ARHGAP27: variants seen among roughly 807,000 people sequenced by gnomAD.
The protein encoded by ARHGAP27 is Rho GTPase activating protein 27, also known as rho GTPase-activating protein 27.
Under a neutral mutation model 102.0 loss-of-function variants are expected in ARHGAP27, and 53 were observed. The observed-to-expected ratio is 0.52, with a 90% confidence interval of 0.42 to 0.65. The LOEUF is 0.65. Ranked by LOEUF, ARHGAP27 falls within the 30% of genes least tolerant of loss-of-function variation. The pLI is 0.00. For synonymous variants in ARHGAP27, 525 were observed against 542.8 expected, an observed-to-expected ratio of 0.97 and a Z score of 0.46; for missense variants, 1,117 against 1,256.2, an observed-to-expected ratio of 0.89 and a Z score of 1.68.
At chr17:45,410,698 G>A (rs1965686027) in intron 4 of ARHGAP27, among the ~76,000 whole-genome samples, 1 of 152,068 alleles carries the variant, frequency 6.6e-6, no homozygotes, top group African/African-American at 2.4e-5. Flanking sequence ...AGACAGGGTG[G>A]GCAGAGGGGG....
At position 45,396,294 on chromosome 17, in the gene ARHGAP27, A is replaced by G. The variant is rs748692786; in HGVS notation, c.2174-10T>C. ...CCGTCGATGTCCAGCCCTGGGCCAGAGGGAGGCGCTGATCCCGGGTTCAGG... is the reference window on the plus strand; with the variant it reads ...CCGTCGATGTCCAGCCCTGGGCCAGGGGGAGGCGCTGATCCCGGGTTCAGG... On this transcript the variant is annotated splice_polypyrimidine_tract_variant and intron_variant, in intron 16 of 19. Coordinates refer to ENST00000685559, the MANE Select transcript of ARHGAP27 (RefSeq NM_001282290.2). 4 of 1,606,186 alleles carry G rather than the reference A, an allele frequency of 2.5e-6. No homozygotes were observed. Among genetic ancestry groups the G allele is most frequent in the Non-Finnish European group, 3.4e-6 (4 of 1,177,016 alleles).
In ARHGAP27 at chr17:45,396,989, G is replaced by A; in HGVS notation, c.1878C>T (p.Ser626=). 1 of 1,604,766 alleles carries A rather than the reference G, an allele frequency of 6.2e-7. No individual in the cohort carries two copies. The highest frequency in any genetic ancestry group is 8.5e-7 in the Non-Finnish European group (1 of 1,179,958). The change falls in exon 14 of 20, where the codon AGC becomes AGT. Residue 626 remains serine (S), a synonymous_variant. Coordinates refer to ENST00000685559, the MANE Select transcript of ARHGAP27 (RefSeq NM_001282290.2). The stretch of plus-strand genomic sequence containing the variant: ...GCTCGCTCGACCCGAAGTCCACTCT[G>A]CTGCTCTCGCTCTCCTCTGGGGGCA... ...AELPPEESES[S]RVDFGSSERL...
Position 45,425,235 on chromosome 17 carries a change from GT to G in ARHGAP27, c.657+4387del, listed in dbSNP as rs1387892236. ...TGGCTGCCCCACCTGGGGGTTGGGG[GT>G]GGGGGGTGCCGGAGGAGGGAGTACG... On this transcript the variant is annotated intron_variant, in intron 4 of 19. Transcript: ENST00000685559. 8.6e-3 allele frequency among the ~76,000 whole-genome samples: 1,312 copies of G among 151,778 alleles called. 19 individuals carry two copies. Among genetic ancestry groups the G allele is most frequent in the African/African-American group, 0.03 (1,219 of 41,232 alleles).
chr17:45,410,381 G>A, intron 4 of ARHGAP27: 1 of 1,362,824 alleles, frequency 7.3e-7, no homozygotes, highest in Non-Finnish European at 9.4e-7. Flanking sequence ...AGGGCAACAG[G>A]GAAACAAGAA....
intron 4 of ARHGAP27, among the ~76,000 whole-genome samples, chr17:45,425,257 G>T (rs2049470855): frequency 6.6e-6 from 1 of 152,010 alleles, no homozygotes; most frequent in East Asian, 1.9e-4. Flanking sequence ...GGAGGAGGGA[G>T]TACGAGCAAG....
At position 45,419,492 on chromosome 17, in the gene ARHGAP27, A is replaced by G. The variant is rs556619769; in HGVS notation, c.657+10131T>C. Among the ~76,000 whole-genome samples the G allele has an allele frequency of 4.6e-4, 67 of 146,446 alleles. 2 individuals carry two copies. The highest frequency in any genetic ancestry group is 1.6e-3 in the African/African-American group (64 of 39,776). On this transcript the variant is annotated intron_variant, in intron 4 of 19. Transcript: ENST00000685559. ...TATACTATGCTGTGTGTGTATATAT[A>G]TAAAAGACTTATGCTGTATGTATAT...
intron 12 of ARHGAP27, among the ~76,000 whole-genome samples, chr17:45,400,879 C>T (rs575095264): frequency 3.2e-4 from 48 of 152,224 alleles, no homozygotes; most frequent in African/African-American, 9.9e-4. Flanking sequence ...TGCACCACTG[C>T]ACTTCAGCCT....
At chr17:45,417,806 C>T (rs1259581671) in intron 4 of ARHGAP27, among the ~76,000 whole-genome samples, 1 of 150,910 alleles carries the variant, frequency 6.6e-6, no homozygotes, top group Non-Finnish European at 1.5e-5. Flanking sequence ...GTAATCCCAG[C>T]ACTTTGGGAG....
intron 6 of ARHGAP27, 34 bp from the exon 7 acceptor site, chr17:45,404,715 C>A (rs1173429310): frequency 6.3e-7 from 1 of 1,593,626 alleles, no homozygotes; most frequent in Admixed American, 1.8e-5. Flanking sequence ...GCCTCCAGCC[C>A]AGCTTATGAG....
Position 45,396,220 on chromosome 17 carries a change from A to C in ARHGAP27, c.2238T>G (p.Tyr746Ter), listed in dbSNP as rs772565283. 12 of 1,612,968 alleles carry C rather than the reference A, an allele frequency of 7.4e-6. No individual in the cohort carries two copies. The highest frequency in any genetic ancestry group is 8.5e-6 in the Non-Finnish European group (10 of 1,179,438). Reference sequence around the variant, plus strand: ...GACGGGCCTCACCGTGGTCCACCTTATAGCGTAGCTTCTGGATGGTGGCCA... The same window carrying C: ...GACGGGCCTCACCGTGGTCCACCTTCTAGCGTAGCTTCTGGATGGTGGCCA... The part of the protein sequence containing the change: ...GNLATIQKLR[Y>*]KVDHDERLDL... The change falls in exon 17 of 20, where the codon TAT (tyrosine) becomes TAG (stop). Residue 746 changes from tyrosine (Y) to a stop codon, truncating the protein, a stop_gained. Transcript: ENST00000685559. LOFTEE classifies it high-confidence loss of function.
chr17:45,431,115 G>A (rs373187292), intron 3 of ARHGAP27, among the ~76,000 whole-genome samples: 6 of 151,810 alleles, frequency 4.0e-5, no homozygotes, highest in African/African-American at 1.5e-4. Context: ...CCCCTACAGT[G>A]TCCCCACGAG....
intron 13 of ARHGAP27, chr17:45,397,442 C>T (rs765772553): frequency 3.1e-5 from 12 of 388,932 alleles, no homozygotes; most frequent in Admixed American, 2.0e-4. Context: ...GCTCTGGATT[C>T]CTACCTCTAT....
intron 4 of ARHGAP27, among the ~76,000 whole-genome samples, chr17:45,422,776 A>G (rs192356302): frequency 1.9e-3 from 287 of 152,350 alleles, no homozygotes; most frequent in African/African-American, 6.3e-3. Flanking sequence ...GAATTAGAGT[A>G]AAAGACCCCT....
chr17:45,400,358 T>C (rs945981520), intron 12 of ARHGAP27, among the ~76,000 whole-genome samples: 1 of 152,136 alleles, frequency 6.6e-6, no homozygotes, highest in Non-Finnish European at 1.5e-5. Context: ...AGGAAAACCC[T>C]GGAGCTGCCT....
In ARHGAP27 at chr17:45,406,070, G is replaced by A. The variant is rs1196782122; in HGVS notation, c.671C>T (p.Pro224Leu). 5.3e-6 allele frequency: 8 copies of A among 1,521,300 alleles called. No individual in the cohort carries two copies. The highest frequency in any genetic ancestry group is 2.0e-5 in the Admixed American group (1 of 49,106). 94.2% of individuals were successfully genotyped at this position (1,521,300 alleles called of 1,614,324 possible). A position where few individuals can be genotyped will look rare whatever the true frequency, so the allele number is the denominator to read the frequency against. ...CTCTATGTTCGCGTACACGGGCTCC[G>A]GTGGGTCGTCCACCTGCGGGAGGAG... ...EESAEQVDDPPEPVYANIERQ... is the reference protein window; with the variant it reads ...EESAEQVDDPLEPVYANIERQ... Residue 224 changes from proline to leucine, a missense_variant, in exon 5 of 20, where the codon CCG becomes CTG. Pro to Leu is a moderately conservative substitution (Grantham distance 98). Around this residue, in one of 3 missense-constraint regions of ARHGAP27, gnomAD observed 610 missense variants for 716.4 expected, o/e 0.85. Transcript: ENST00000685559.
chr17:45,397,491 G>C (rs1384902517), intron 13 of ARHGAP27: 1 of 238,048 alleles, frequency 4.2e-6, no homozygotes, highest in Non-Finnish European at 7.5e-6. Flanking sequence ...TGGCTCATAG[G>C]GAATTAAGGG....
intron 4 of ARHGAP27, among the ~76,000 whole-genome samples, chr17:45,416,621 T>C (rs1338734464): frequency 1.3e-5 from 2 of 151,348 alleles, no homozygotes; most frequent in Non-Finnish European, 2.9e-5. Flanking sequence ...CAATCTTGAC[T>C]CACTGCAACC....
chr17:45,406,992 C>A (rs2047251095), intron 4 of ARHGAP27, among the ~76,000 whole-genome samples: 1 of 152,156 alleles, frequency 6.6e-6, no homozygotes, highest in South Asian at 2.1e-4. Context: ...AGAGTGAGGG[C>A]AGCTGGGGGT....
intron 4 of ARHGAP27, chr17:45,410,202 C>A: frequency 6.5e-7 from 1 of 1,532,856 alleles, no homozygotes; most frequent in Non-Finnish European, 8.7e-7. Context: ...AGAGGCCCAC[C>A]GGGCACCCCT....
Sources: gnomAD v4.1 joint callset for allele counts (sites outside exome capture counted in the v4.1 genomes callset) on GRCh38, gnomAD v4.1.1 for gene constraint, gnomAD v4.1.1 regional missense constraint, MANE v1.5 for transcripts, NCBI Gene and HGNC (gene_info 2026-07-23, HGNC 2026-07-21) for gene names.